TNR: variants seen among roughly 807,000 people sequenced by gnomAD.
TNR encodes the protein tenascin-R.
TNR carries 45 observed loss-of-function variants against 150.4 expected under a neutral mutation model. The observed-to-expected ratio is 0.30, with a 90% CI of 0.24 to 0.38. The LOEUF is 0.38. Ranked by LOEUF, TNR falls within the 10% of genes least tolerant of loss-of-function variation. The pLI, the probability that TNR is intolerant of heterozygous loss-of-function variation, is 1.00. For missense variants in TNR, 1,544 were observed against 1,759.1 expected, an observed-to-expected ratio of 0.88 and a Z score of 2.19; for synonymous variants, 687 against 678.4, an observed-to-expected ratio of 1.01 and a Z score of -0.20.
chr1:175,369,321 G>A (rs1475761587), intron 9 of TNR, among the ~76,000 whole-genome samples: 1 of 152,122 alleles, frequency 6.6e-6, no homozygotes, highest in Admixed American at 6.5e-5. Context: ...GTGTCGCCAG[G>A]ACCATGCTTC....
At chr1:175,340,167 G>A (rs1430183073) in intron 18 of TNR, among the ~76,000 whole-genome samples, 1 of 152,180 alleles carries the variant, frequency 6.6e-6, no homozygotes, top group African/African-American at 2.4e-5. Context: ...CACCCTGGGA[G>A]AGGAAGGACC....
chr1:175,358,963 C>G (rs1308411834), intron 15 of TNR, among the ~76,000 whole-genome samples: 1 of 152,012 alleles, frequency 6.6e-6, no homozygotes, highest in East Asian at 1.9e-4. Flanking sequence ...GAAAAGCCTG[C>G]TTTCTTGTTT....
In TNR at chr1:175,324,390, A is replaced by G. The variant is rs1391121981; in HGVS notation, c.3923T>C (p.Leu1308Pro). The G allele has an allele frequency of 6.2e-7, 1 of 1,614,012 alleles. No homozygotes were observed. The highest frequency in any genetic ancestry group is 1.1e-5 in the South Asian group (1 of 91,064). The change falls in exon 22 of 23, where the codon CTC (leucine) becomes CCC (proline). Residue 1308 changes from leucine to proline, a missense_variant. Physicochemically the swap from Leu to Pro is moderately conservative, Grantham distance 98 (BLOSUM62 -3). This residue lies in a region of TNR where 290 missense variants were observed against 429.7 expected (regional missense o/e 0.67). Coordinates refer to ENST00000367674, the MANE Select transcript of TNR (RefSeq NM_003285.3). ...CCTGGACTCCCCGTACTTCCCATTG[A>G]GGTTGGTCCGGTGGCAGTTCTTATA... ...WWYKNCHRTN[L>P]NGKYGESRHS...
At chr1:175,381,415 G>T (rs549912177) in intron 8 of TNR, among the ~76,000 whole-genome samples, 1 of 152,240 alleles carries the variant, frequency 6.6e-6, no homozygotes, top group East Asian at 1.9e-4. Flanking sequence ...TTGTATTTTT[G>T]ATCATAGGGG....
In TNR at chr1:175,668,588, G is replaced by A. The variant is rs143608920; in HGVS notation, c.-165+74638C>T. Among the ~76,000 whole-genome samples the A allele has an allele frequency of 2.7e-3, 409 of 152,278 alleles. 5 individuals are homozygous for A. Among genetic ancestry groups the A allele is most frequent in the African/African-American group, 9.4e-3 (392 of 41,542 alleles). On this transcript the variant is annotated intron_variant, in intron 1 of 22. Transcript: ENST00000367674. ...AAGGGAGAAGCAGAACTTGCTGGCT[G>A]TCACGAATACTGACACCTGGCATCT...
At chr1:175,385,056 A>G (rs972526407) in intron 8 of TNR, among the ~76,000 whole-genome samples, 2 of 152,196 alleles carry the variant, frequency 1.3e-5, no homozygotes, top group Non-Finnish European at 2.9e-5. Context: ...CCATCTGAAG[A>G]TGCTGGTTCT....
chr1:175,602,778 C>T (rs897773992), intron 1 of TNR, among the ~76,000 whole-genome samples: 3 of 152,138 alleles, frequency 2.0e-5, no homozygotes, highest in Admixed American at 1.3e-4. Context: ...GATTGGGATG[C>T]TTTCTTCTTT....
chr1:175,341,650 C>G (rs1174459828), intron 18 of TNR, among the ~76,000 whole-genome samples: 1 of 152,174 alleles, frequency 6.6e-6, no homozygotes, highest in Non-Finnish European at 1.5e-5. Context: ...TTGGGTGTTC[C>G]TTTAAAATGA....
At chr1:175,410,116 G>C (rs748490119) in intron 2 of TNR, among the ~76,000 whole-genome samples, 2 of 152,144 alleles carry the variant, frequency 1.3e-5, no homozygotes, top group Non-Finnish European at 2.9e-5. Flanking sequence ...AAGTGGGGTG[G>C]TGAGCTGAAT....
chr1:175,614,594 A>G (rs1278059712), intron 1 of TNR, among the ~76,000 whole-genome samples: 2 of 152,134 alleles, frequency 1.3e-5, no homozygotes, highest in Non-Finnish European at 2.9e-5. Context: ...TCATCATCTC[A>G]AATTGTTAAA....
intron 1 of TNR, among the ~76,000 whole-genome samples, chr1:175,675,359 G>A (rs532500570): frequency 6.6e-4 from 101 of 152,328 alleles, no homozygotes; most frequent in Non-Finnish European, 1.2e-3. Context: ...AGTGGGCCCC[G>A]TAACCCTTTG....
chr1:175,343,086 A>G (rs1018515072), intron 18 of TNR, among the ~76,000 whole-genome samples: 17 of 152,296 alleles, frequency 1.1e-4, no homozygotes, highest in South Asian at 4.1e-4. Flanking sequence ...CACTTTAGCC[A>G]GAGTGACCTT....
intron 2 of TNR, among the ~76,000 whole-genome samples, chr1:175,408,188 C>T (rs1024094417): frequency 2.0e-5 from 3 of 152,100 alleles, no homozygotes; most frequent in African/African-American, 7.2e-5. Context: ...TCGGTCAGAC[C>T]GTGTCTTATC....
intron 21 of TNR, among the ~76,000 whole-genome samples, chr1:175,328,032 C>A (rs1649511041): frequency 6.6e-6 from 1 of 152,196 alleles, no homozygotes; most frequent in African/African-American, 2.4e-5. Flanking sequence ...CACTTGAACC[C>A]AGGAGGCAGT....
chr1:175,511,544 C>T lies in TNR; in HGVS notation c.-64+16725G>A, dbSNP rs138880176. ...GTCTCTACATTCCCTCTATGATGACCCTGTGACAACTGCCATTTGGCGCCT... is the reference window on the plus strand; with the variant it reads ...GTCTCTACATTCCCTCTATGATGACTCTGTGACAACTGCCATTTGGCGCCT... On this transcript the variant is annotated intron_variant, in intron 2 of 22. Coordinates refer to ENST00000367674, the MANE Select transcript of TNR (RefSeq NM_003285.3). 9.4e-4 allele frequency among the ~76,000 whole-genome samples: 143 copies of T among 152,256 alleles called. 1 individual carries two copies. The East Asian group carries it at 0.022, about 23-fold the overall frequency.
chr1:175,666,736 C>A (rs1665543152), intron 1 of TNR, among the ~76,000 whole-genome samples: 1 of 152,154 alleles, frequency 6.6e-6, no homozygotes, highest in Non-Finnish European at 1.5e-5. Flanking sequence ...ACTTTCTCTG[C>A]TCCCTAGATT....
In TNR at chr1:175,629,418, G is replaced by A. The variant is rs74127372; in HGVS notation, c.-164-101049C>T. Among the ~76,000 whole-genome samples, 304 of 152,310 alleles carry A rather than the reference G, an allele frequency of 2.0e-3. 2 individuals carry two copies. The highest frequency in any genetic ancestry group is 7.1e-3 in the African/African-American group (294 of 41,556). ...TCATGAACATTAAAAATGCAGAAAT[G>A]TGGAGGGCAGGCCTGCAGAGACTGG... On this transcript the variant is annotated intron_variant, in intron 1 of 22. Transcript: ENST00000367674.
At chr1:175,637,732 G>T (rs954927326) in intron 1 of TNR, among the ~76,000 whole-genome samples, 1 of 152,146 alleles carries the variant, frequency 6.6e-6, no homozygotes, top group Non-Finnish European at 1.5e-5. Context: ...GCTCCAAGAA[G>T]AAATCTACCA....
At chr1:175,559,181 A>G (rs773625143) in intron 1 of TNR, among the ~76,000 whole-genome samples, 2 of 152,234 alleles carry the variant, frequency 1.3e-5, no homozygotes, top group Non-Finnish European at 2.9e-5. Flanking sequence ...GCTAATGGAT[A>G]TGTGGTTTCA....
Sources: gnomAD v4.1 joint callset for allele counts (sites outside exome capture counted in the v4.1 genomes callset) on GRCh38, gnomAD v4.1.1 for gene constraint, gnomAD v4.1.1 regional missense constraint, MANE v1.5 for transcripts, NCBI Gene and HGNC (gene_info 2026-07-23, HGNC 2026-07-21) for gene names.